Variants in WDR49 observed in about 807,000 individuals in gnomAD.
WDR49 encodes cilia- and flagella-associated protein 337.
In WDR49, 107 loss-of-function variants were observed where a neutral mutation model predicts 119.5. The ratio of observed to expected loss-of-function variants is 0.90; its 90% CI spans 0.77 to 1.05. The LOEUF is 1.05. Among genes scored for constraint, WDR49 ranks in the 50% least tolerant of loss-of-function variants. The probability of loss-of-function intolerance (pLI) is 0.00; values close to 1 mark genes in which losing one functional copy is unlikely to be tolerated. For missense variants in WDR49, 1,240 were observed against 1,220.5 expected, an observed-to-expected ratio of 1.02 and a Z score of -0.24; for synonymous variants, 425 against 418.8, an observed-to-expected ratio of 1.01 and a Z score of -0.18.
intron 13 of WDR49, 89 bp downstream of exon 13, chr3:167,531,026 T>C (rs546698290): frequency 4.1e-5 from 57 of 1,401,926 alleles, no homozygotes; most frequent in African/African-American, 5.8e-5. Context: ...CTACGTGCAG[T>C]CAAATTCTAC....
chr3:167,483,532 C>G (rs1750806133), intron 18 of WDR49, among the ~76,000 whole-genome samples: 1 of 151,982 alleles, frequency 6.6e-6, no homozygotes. Context: ...AGTACATATG[C>G]AGGGGTGGAT....
chr3:167,490,707 C>A (rs114325118), intron 18 of WDR49, among the ~76,000 whole-genome samples: 1,830 of 152,206 alleles, frequency 0.012, 19 homozygotes, highest in Non-Finnish European at 0.016. Context: ...GTCTCCAGCA[C>A]ACCCTTCTGG....
intron 8 of WDR49, among the ~76,000 whole-genome samples, chr3:167,565,900 T>A (rs1161561809): frequency 6.6e-6 from 1 of 152,196 alleles, no homozygotes; most frequent in African/African-American, 2.4e-5. Flanking sequence ...CTTGCTTTAT[T>A]TCATGTATCT....
chr3:167,564,527 C>A (rs1713472523), intron 8 of WDR49, among the ~76,000 whole-genome samples: 1 of 152,140 alleles, frequency 6.6e-6, no homozygotes, highest in Non-Finnish European at 1.5e-5. Flanking sequence ...TCTATGCCAC[C>A]TTTTAATGAT....
chr3:167,537,122 C>T lies in WDR49; in HGVS notation c.1824-122G>A, dbSNP rs74671531. 2,370 of 938,418 alleles carry T rather than the reference C, an allele frequency of 2.5e-3. 30 individuals are homozygous for T. The African/African-American group carries it at 0.037, about 15-fold the overall frequency. 58.1% of individuals were successfully genotyped at this position (938,418 alleles called of 1,614,324 possible). On this transcript the variant is annotated intron_variant, in intron 10 of 18. Transcript: ENST00000682715. ...AAAGACTATGCTGCCCAAAATTTAT[C>T]CCCACTTGACAACCATAATACTGAG...
At position 167,586,783 on chromosome 3, in the gene WDR49, G is replaced by A. The variant is rs1271658794; in HGVS notation, c.1276-10632C>T. On this transcript the variant is annotated intron_variant, in intron 7 of 18. Transcript: ENST00000682715. ...ACAACATGACAAGCTTCATTATAAT[G>A]TAATGCAAACAAAACAAAAATAGAA... 2.0e-5 allele frequency among the ~76,000 whole-genome samples: 3 copies of A among 152,152 alleles called. 1 individual carries two copies.
chr3:167,497,290 A>T lies in WDR49; in HGVS notation c.3031+2863T>A, dbSNP rs1377665607. Among the ~76,000 whole-genome samples, 3 of 152,348 alleles carry T rather than the reference A, an allele frequency of 2.0e-5. No homozygotes were observed. In the East Asian group the frequency reaches 5.8e-4, roughly 29 times the overall value. The stretch of plus-strand genomic sequence containing the variant: ...AAAAGAAAATTATTTTCACTTGCAG[A>T]AAGGGCAAGTAAGAGGAAATATTTT... On this transcript the variant is annotated intron_variant, in intron 18 of 18. Coordinates refer to ENST00000682715, the MANE Select transcript of WDR49 (RefSeq NM_001366157.1).
rs186731048 is a variant in WDR49 at position 167,520,374 on chromosome 3, A to G, written c.2774+1941T>C. ...ACTCTGCTATGCATGTGATGGAAAG[A>G]AAAAAAATGATCTGTCTGTGTTACC... On this transcript the variant is annotated intron_variant, in intron 16 of 18. Coordinates refer to ENST00000682715, the MANE Select transcript of WDR49 (RefSeq NM_001366157.1). Among the ~76,000 whole-genome samples the G allele has an allele frequency of 1.4e-3, 207 of 152,174 alleles. 4 individuals carry two copies. The East Asian group carries it at 0.031, about 23-fold the overall frequency.
chr3:167,493,255 T>C (rs573796069), intron 18 of WDR49, among the ~76,000 whole-genome samples: 5 of 152,280 alleles, frequency 3.3e-5, no homozygotes, highest in African/African-American at 4.8e-5. Context: ...GTAAGGCTTC[T>C]CCAGAACCCA....
At chr3:167,592,670 C>T (rs542028615) in intron 7 of WDR49, among the ~76,000 whole-genome samples, 14 of 151,958 alleles carry the variant, frequency 9.2e-5, no homozygotes, top group African/African-American at 1.2e-4. Flanking sequence ...TTTGCCCTCA[C>T]GATCCTCCCA....
At chr3:167,498,950 A>G (rs1214036409) in intron 18 of WDR49, among the ~76,000 whole-genome samples, 1 of 152,196 alleles carries the variant, frequency 6.6e-6, no homozygotes, top group African/African-American at 2.4e-5. Context: ...AGCACTCAAC[A>G]TGCCAAAGTG....
At chr3:167,573,391 TACACAC>T (rs57955643) in intron 8 of WDR49, among the ~76,000 whole-genome samples, 226 of 142,338 alleles carry the variant, frequency 1.6e-3, no homozygotes, top group Non-Finnish European at 2.0e-3. Context: ...TTATGTGGAA[TACACAC>T]ACACACACAC....
At chr3:167,632,320 A>T (rs1421882805) in intron 2 of WDR49, among the ~76,000 whole-genome samples, 2 of 152,042 alleles carry the variant, frequency 1.3e-5, no homozygotes, top group Non-Finnish European at 2.9e-5. Context: ...GTAAATGACA[A>T]ATTTTCTTTT....
At chr3:167,515,476 A>G (rs534648888) in intron 16 of WDR49, among the ~76,000 whole-genome samples, 1 of 152,276 alleles carries the variant, frequency 6.6e-6, no homozygotes, top group South Asian at 2.1e-4. Context: ...TATATATTGA[A>G]GGAACATATC....
intron 5 of WDR49, among the ~76,000 whole-genome samples, chr3:167,610,046 T>C (rs80044353): frequency 0.023 from 3,479 of 150,656 alleles, 122 homozygotes; most frequent in African/African-American, 0.076. Flanking sequence ...CCAGGTATTA[T>C]ATCAAGGGTC....
At position 167,529,237 on chromosome 3, in the gene WDR49, C is replaced by T. The variant is rs1752754635; in HGVS notation, c.2221G>A (p.Gly741Arg). The T allele has an allele frequency of 6.4e-7, 1 of 1,573,928 alleles. No individual in the cohort carries two copies. ...CCTCCACATGATACCAGGTTAGCTC[C>T]TCCTAACATGTAAGGGAAAAATCTA... Reference protein sequence around the residue: ...KARKNTAVTGGANLVSCGGSG... With the variant: ...KARKNTAVTGRANLVSCGGSG... The change falls in exon 14 of 19, where the codon GGA becomes AGA. Residue 741 changes from glycine (G) to arginine (R), a missense_variant and splice_region_variant. Coordinates refer to ENST00000682715, the MANE Select transcript of WDR49 (RefSeq NM_001366157.1).
chr3:167,599,431 C>A (rs1488846611), intron 7 of WDR49, among the ~76,000 whole-genome samples: 1 of 152,096 alleles, frequency 6.6e-6, no homozygotes, highest in Non-Finnish European at 1.5e-5. Context: ...TAAGGCTCTT[C>A]AGTCAGCTTG....
chr3:167,633,670 ATT>A (rs1388973099), intron 2 of WDR49: 1 of 355,686 alleles, frequency 2.8e-6, no homozygotes, highest in Non-Finnish European at 5.5e-6. Context: ...TGGCGAAATA[ATT>A]TACCATTGAG....
intron 8 of WDR49, among the ~76,000 whole-genome samples, chr3:167,561,601 T>C (rs1422069688): frequency 6.6e-6 from 1 of 151,856 alleles, no homozygotes; most frequent in Non-Finnish European, 1.5e-5. Flanking sequence ...GAGTGGGGGA[T>C]TGGGTTAGGG....
Sources: gnomAD v4.1 joint callset for allele counts (sites outside exome capture counted in the v4.1 genomes callset) on GRCh38, gnomAD v4.1.1 for gene constraint, MANE v1.5 for transcripts, NCBI Gene and HGNC (gene_info 2026-07-23, HGNC 2026-07-21) for gene names.